FRMD4A: variants seen among roughly 807,000 people sequenced by gnomAD.
The protein encoded by FRMD4A is FERM domain-containing protein 4A.
In FRMD4A, 29 loss-of-function variants were observed where a neutral mutation model predicts 129.1. The observed-to-expected ratio is 0.22, with a 90% CI of 0.17 to 0.31. FRMD4A has a LOEUF of 0.31. Among genes scored for constraint, FRMD4A ranks in the 10% least tolerant of loss-of-function variants. FRMD4A has a pLI of 1.00. For synonymous variants in FRMD4A, 634 were observed against 571.6 expected, an observed-to-expected ratio of 1.11 and a Z score of -1.56; for missense variants, 1,272 against 1,375.8, an observed-to-expected ratio of 0.92 and a Z score of 1.19.
intron 2 of FRMD4A, among the ~76,000 whole-genome samples, chr10:14,312,859 C>G (rs1469811639): frequency 6.6e-6 from 1 of 151,730 alleles, no homozygotes; most frequent in Non-Finnish European, 1.5e-5. Flanking sequence ...GAGTGAGACC[C>G]TGTCACAAAA....
At chr10:13,730,399 G>A (rs568981846) in intron 12 of FRMD4A, among the ~76,000 whole-genome samples, 3 of 152,172 alleles carry the variant, frequency 2.0e-5, no homozygotes, top group Non-Finnish European at 4.4e-5. Context: ...CAGCACAACT[G>A]CCCGAAACCC....
At chr10:13,993,927 GT>G (rs1201408124) in intron 2 of FRMD4A, among the ~76,000 whole-genome samples, 2 of 150,922 alleles carry the variant, frequency 1.3e-5, no homozygotes, top group Non-Finnish European at 2.9e-5. Flanking sequence ...TTTAAGATTA[GT>G]TTTTTTTGTA....
intron 6 of FRMD4A, among the ~76,000 whole-genome samples, chr10:13,764,708 A>C (rs896261548): frequency 7.2e-5 from 11 of 152,112 alleles, no homozygotes; most frequent in Non-Finnish European, 1.5e-4. Context: ...TTGATATCCT[A>C]TGTCTGGTGT....
At chr10:14,275,707 CT>C (rs1020194166) in intron 2 of FRMD4A, among the ~76,000 whole-genome samples, 8 of 152,142 alleles carry the variant, frequency 5.3e-5, no homozygotes, top group African/African-American at 1.9e-4. Context: ...AGCGTTAAGC[CT>C]TTTTTCTCAA....
intron 2 of FRMD4A, among the ~76,000 whole-genome samples, chr10:14,210,776 G>A (rs1842914194): frequency 6.6e-6 from 1 of 152,152 alleles, no homozygotes; most frequent in South Asian, 2.1e-4. Context: ...CACCCAGGCT[G>A]GAGTGCAGTG....
chr10:14,171,929 G>A (rs1841496428), intron 2 of FRMD4A, among the ~76,000 whole-genome samples: 1 of 152,134 alleles, frequency 6.6e-6, no homozygotes, highest in Non-Finnish European at 1.5e-5. Flanking sequence ...TTTAAGTATG[G>A]CAACCACCTT....
chr10:13,810,448 G>A (rs916746547), intron 4 of FRMD4A, among the ~76,000 whole-genome samples: 6 of 151,638 alleles, frequency 4.0e-5, no homozygotes, highest in Non-Finnish European at 8.8e-5. Flanking sequence ...TCCTGTTATT[G>A]TTATCCCAAC....
chr10:14,025,621 T>C (rs955151473), intron 2 of FRMD4A, among the ~76,000 whole-genome samples: 1 of 152,172 alleles, frequency 6.6e-6, no homozygotes, highest in African/African-American at 2.4e-5. Context: ...TACACCACCA[T>C]CCATCTCCAG....
intron 2 of FRMD4A, among the ~76,000 whole-genome samples, chr10:14,237,475 C>T (rs1462157646): frequency 6.6e-6 from 1 of 152,096 alleles, no homozygotes; most frequent in Non-Finnish European, 1.5e-5. Flanking sequence ...GGATTACAGG[C>T]CCACACCACA....
In FRMD4A at chr10:14,243,645, A is replaced by T. The variant is rs1218387; in HGVS notation, c.45+86413T>A. Among the ~76,000 whole-genome samples, 1,466 of 152,194 alleles carry T rather than the reference A, an allele frequency of 9.6e-3. 30 individuals are homozygous for T. The highest frequency in any genetic ancestry group is 0.034 in the African/African-American group (1,411 of 41,514). ...GAATGTAAAATGGTGGTTGCTAGGG[A>T]CTAGGGGAGGGGGATGGGGAGTACT... On this transcript the variant is annotated intron_variant, in intron 2 of 24. Transcript: ENST00000357447.
intron 2 of FRMD4A, among the ~76,000 whole-genome samples, chr10:13,881,769 C>G (rs368836210): frequency 6.6e-6 from 1 of 151,818 alleles, no homozygotes; most frequent in Non-Finnish European, 1.5e-5. Flanking sequence ...TCCATAGGAT[C>G]GAACTGCGAC....
chr10:13,964,457 C>A (rs1390417546), intron 2 of FRMD4A, among the ~76,000 whole-genome samples: 1 of 40,938 alleles, frequency 2.4e-5, no homozygotes, highest in Non-Finnish European at 4.8e-5. Flanking sequence ...CCAGGAGTGG[C>A]GTGGAGCTGG....
intron 2 of FRMD4A, among the ~76,000 whole-genome samples, chr10:14,212,189 C>A (rs1397103319): frequency 6.6e-6 from 1 of 152,090 alleles, no homozygotes; most frequent in Non-Finnish European, 1.5e-5. Flanking sequence ...TCCCCACTAA[C>A]AAGGGGCCAC....
intron 2 of FRMD4A, among the ~76,000 whole-genome samples, chr10:13,993,784 G>GTGTATTCAA (rs1446065034): frequency 6.6e-6 from 1 of 151,894 alleles, no homozygotes; most frequent in Non-Finnish European, 1.5e-5. Flanking sequence ...GCTGGAGGAC[G>GTGTATTCAA]TGTATTCAAT....
chr10:14,087,234 T>C (rs1836336704), intron 2 of FRMD4A, among the ~76,000 whole-genome samples: 1 of 147,558 alleles, frequency 6.8e-6, no homozygotes, highest in South Asian at 2.1e-4. Context: ...ATATATTAAT[T>C]ATATAATATA....
intron 2 of FRMD4A, among the ~76,000 whole-genome samples, chr10:14,209,763 G>A (rs745443923): frequency 6.6e-6 from 1 of 151,172 alleles, no homozygotes; most frequent in Non-Finnish European, 1.5e-5. Flanking sequence ...GTGCATGCCT[G>A]CAGTCCCAGC....
rs779707456 is a variant in FRMD4A, at chr10:13,668,376, G to C, written c.1374+2030C>G. The C allele has an allele frequency of 4.6e-5, 7 of 152,192 alleles. No homozygotes were observed. In the East Asian group the frequency reaches 1.4e-3, roughly 29 times the overall value. The allele number at this position is 152,192 out of a possible 1,614,324, so 9.4% of individuals were successfully genotyped here. A position where few individuals can be genotyped will look rare whatever the true frequency, so the allele number is the denominator to read the frequency against. ...GCACCAGACACTGATTCAGAGTTTT[G>C]TGGGGAGCCCAGGACAAATTCTCAC... On this transcript the variant is annotated intron_variant, in intron 17 of 24. Transcript: ENST00000357447.
At chr10:14,142,391 C>T (rs1406945916) in intron 2 of FRMD4A, among the ~76,000 whole-genome samples, 4 of 152,164 alleles carry the variant, frequency 2.6e-5, no homozygotes, top group African/African-American at 4.8e-5. Flanking sequence ...AATGCTGACC[C>T]TTCCAAAGCT....
intron 2 of FRMD4A, among the ~76,000 whole-genome samples, chr10:14,213,333 T>C (rs571893849): frequency 2.0e-5 from 3 of 152,332 alleles, no homozygotes; most frequent in Admixed American, 6.5e-5. Flanking sequence ...CCACATGTAC[T>C]ATGGACCAGG....
Sources: gnomAD v4.1 joint callset for allele counts (sites outside exome capture counted in the v4.1 genomes callset) on GRCh38, gnomAD v4.1.1 for gene constraint, MANE v1.5 for transcripts, NCBI Gene and HGNC (gene_info 2026-07-23, HGNC 2026-07-21) for gene names.